Variants in IGF1R observed in about 807,000 individuals in gnomAD.
IGF1R encodes insulin-like growth factor 1 receptor.
A neutral mutation model predicts 144.6 loss-of-function variants in IGF1R; 44 were observed. That is an observed-to-expected ratio of 0.30 (90% CI 0.24 to 0.39). The LOEUF (loss-of-function observed/expected upper bound fraction) is 0.39, where lower values mean the gene tolerates loss of function less well. Among genes scored for constraint, IGF1R ranks in the 10% least tolerant of loss-of-function variants. The pLI is 1.00. For missense variants in IGF1R, 1,355 were observed against 1,833.7 expected, an observed-to-expected ratio of 0.74 and a Z score of 4.77; for synonymous variants, 795 against 722.8, an observed-to-expected ratio of 1.10 and a Z score of -1.60.
intron 2 of IGF1R, among the ~76,000 whole-genome samples, chr15:98,882,045 A>G (rs1164954925): frequency 6.6e-6 from 1 of 152,188 alleles, no homozygotes; most frequent in East Asian, 1.9e-4. Context: ...ATGTTTGATG[A>G]TAGTTATTCT....
intron 2 of IGF1R, among the ~76,000 whole-genome samples, chr15:98,719,903 T>C (rs562390592): frequency 9.2e-5 from 14 of 152,284 alleles, no homozygotes; most frequent in Admixed American, 9.1e-4. Flanking sequence ...CAGTGTAGAA[T>C]AAAGAGCTGA....
intron 17 of IGF1R, among the ~76,000 whole-genome samples, chr15:98,937,951 C>T (rs1003988376): frequency 6.6e-6 from 1 of 152,196 alleles, no homozygotes. Flanking sequence ...CCCCAGATAA[C>T]CACGTGATAA....
At chr15:98,933,519 T>C (rs924489280) in intron 15 of IGF1R, among the ~76,000 whole-genome samples, 2 of 152,120 alleles carry the variant, frequency 1.3e-5, no homozygotes, top group African/African-American at 2.4e-5. Context: ...AATTTTTTAA[T>C]AGAGACAGTG....
At chr15:98,663,332 T>C (rs1447189042) in intron 1 of IGF1R, among the ~76,000 whole-genome samples, 1 of 152,136 alleles carries the variant, frequency 6.6e-6, no homozygotes, top group African/African-American at 2.4e-5. Flanking sequence ...CCTGGCACTT[T>C]TAAGGCATGG....
At chr15:98,884,293 G>A (rs747638649) in intron 2 of IGF1R, among the ~76,000 whole-genome samples, 2 of 152,100 alleles carry the variant, frequency 1.3e-5, no homozygotes, top group African/African-American at 4.8e-5. Context: ...CTCAGATCAC[G>A]CCTGATTGCA....
intron 2 of IGF1R, among the ~76,000 whole-genome samples, chr15:98,864,372 C>A (rs147892298): frequency 6.6e-6 from 1 of 152,318 alleles, no homozygotes; most frequent in African/African-American, 2.4e-5. Context: ...CAGAATTTTC[C>A]ATCACTGAAA....
intron 14 of IGF1R, 49 bp from the exon 15 acceptor site, chr15:98,930,186 A>G (rs2015884283): frequency 8.2e-7 from 1 of 1,220,628 alleles, no homozygotes; most frequent in African/African-American, 1.5e-5. Flanking sequence ...TATATACAGG[A>G]ATGTATGGAG....
chr15:98,849,141 AC>A (rs1416655712), intron 2 of IGF1R, among the ~76,000 whole-genome samples: 3 of 152,240 alleles, frequency 2.0e-5, no homozygotes, highest in African/African-American at 7.2e-5. Flanking sequence ...GGTATTAAAA[AC>A]TTCCATAGTG....
At chr15:98,809,303 C>T (rs1260780132) in intron 2 of IGF1R, among the ~76,000 whole-genome samples, 1 of 152,180 alleles carries the variant, frequency 6.6e-6, no homozygotes, top group Admixed American at 6.5e-5. Context: ...AGCTTGGATT[C>T]ACTTTTCCCA....
chr15:98,675,728 C>A (rs2053019380), intron 1 of IGF1R, among the ~76,000 whole-genome samples: 1 of 151,780 alleles, frequency 6.6e-6, no homozygotes, highest in Admixed American at 6.6e-5. Flanking sequence ...AAGTAAGATA[C>A]CTCCTCCTGT....
intron 1 of IGF1R, among the ~76,000 whole-genome samples, chr15:98,658,677 G>T (rs1451332948): frequency 6.6e-6 from 1 of 152,152 alleles, no homozygotes; most frequent in South Asian, 2.1e-4. Flanking sequence ...ACATTTCCAA[G>T]TCAAATTCCT....
At chr15:98,863,027 C>G (rs907719710) in intron 2 of IGF1R, among the ~76,000 whole-genome samples, 6 of 152,208 alleles carry the variant, frequency 3.9e-5, no homozygotes, top group African/African-American at 1.2e-4. Flanking sequence ...GTTCCAGATC[C>G]AAGAGACGAT....
chr15:98,899,358 C>CT, intron 4 of IGF1R, 119 bp from the exon 5 acceptor site: 2 of 969,862 alleles, frequency 2.1e-6, no homozygotes, highest in Non-Finnish European at 3.3e-6. Context: ...CAGTCCTGTG[C>CT]TGGGAGCATC....
intron 2 of IGF1R, among the ~76,000 whole-genome samples, chr15:98,841,176 T>A (rs1414178331): frequency 6.6e-6 from 1 of 152,182 alleles, no homozygotes; most frequent in Non-Finnish European, 1.5e-5. Context: ...GAAAAGTATG[T>A]CCTGTGGTTG....
At position 98,887,895 on chromosome 15, in the gene IGF1R, C is replaced by T. The variant is rs78121616; in HGVS notation, c.641-3430C>T. Among the ~76,000 whole-genome samples, 1,206 of 152,320 alleles carry T rather than the reference C, an allele frequency of 7.9e-3. 12 individuals carry two copies. The highest frequency in any genetic ancestry group is 0.027 in the African/African-American group (1,142 of 41,570). On this transcript the variant is annotated intron_variant, in intron 2 of 20. Transcript: ENST00000650285. ...GATACGAAGGTCTGGGCATGTTGTT[C>T]CCTTGCCTAAAACTTTCCATGGTTT...
At chr15:98,861,872 C>G (rs1189383440) in intron 2 of IGF1R, among the ~76,000 whole-genome samples, 1 of 152,238 alleles carries the variant, frequency 6.6e-6, no homozygotes, top group Non-Finnish European at 1.5e-5. Context: ...CAGCAGAATT[C>G]TCATCTTCTG....
At chr15:98,923,305 C>A (rs974121283) in intron 11 of IGF1R, among the ~76,000 whole-genome samples, 1 of 152,264 alleles carries the variant, frequency 6.6e-6, no homozygotes, top group Non-Finnish European at 1.5e-5. Context: ...TTGCCCTGCT[C>A]TTAGCACCAG....
rs1028972677 is a variant in IGF1R at position 98,899,274 on chromosome 15, T to C, written c.1103-203T>C. Among the ~76,000 whole-genome samples the C allele has an allele frequency of 1.3e-4, 20 of 152,376 alleles. No homozygotes were observed. The East Asian group carries it at 2.9e-3, about 22-fold the overall frequency. On this transcript the variant is annotated intron_variant, in intron 4 of 20. Transcript: ENST00000650285. The stretch of plus-strand genomic sequence containing the variant: ...AGCCTCCTAGAAACTTGGCTTCCCC[T>C]GCCTGGGAGGCCTCGTTCCAGGAGT...
chr15:98,738,983 C>CTGGA (rs2054675275), intron 2 of IGF1R, among the ~76,000 whole-genome samples: 1 of 15,376 alleles, frequency 6.5e-5, no homozygotes, highest in African/African-American at 1.4e-4. Context: ...AAAGAAACAA[C>CTGGA]AGGAAGAACA....
Sources: allele counts gnomAD v4.1 joint callset (sites outside exome capture counted in the v4.1 genomes callset), GRCh38; gene constraint gnomAD v4.1.1; transcripts MANE v1.5; gene names NCBI Gene and HGNC (gene_info 2026-07-23, HGNC 2026-07-21).